The following PARP8 variants were observed in gnomAD, a reference collection of about 807,000 sequenced individuals.
The protein encoded by PARP8 is poly(ADP-ribose) polymerase family member 8.
PARP8 carries 51 observed loss-of-function variants against 124.1 expected under a neutral mutation model. The ratio of observed to expected loss-of-function variants is 0.41; its 90% CI spans 0.33 to 0.52. The LOEUF (loss-of-function observed/expected upper bound fraction) is 0.52. Ranked by LOEUF, PARP8 falls within the 20% of genes least tolerant of loss-of-function variation. The pLI, the probability that PARP8 is intolerant of heterozygous loss-of-function variation, is 0.21. For synonymous variants in PARP8, 391 were observed against 361.5 expected (o/e 1.08, Z -0.93); for missense variants, 860 against 1,018.9 (o/e 0.84, Z 2.12).
At chr5:50,700,077 T>C (rs1046200489) in intron 2 of PARP8, among the ~76,000 whole-genome samples, 1 of 152,158 alleles carries the variant, frequency 6.6e-6, no homozygotes, top group Non-Finnish European at 1.5e-5. Context: ...GTGAGAAACA[T>C]TAGTCTTTGA....
chr5:50,827,888 G>A (rs1253299467), intron 19 of PARP8, 56 bp from the exon 20 acceptor site: 29 of 1,281,796 alleles, frequency 2.3e-5, no homozygotes, highest in Non-Finnish European at 3.3e-5. Context: ...ATTGTCATCA[G>A]CCTGAATATA....
At chr5:50,788,376 A>T in intron 9 of PARP8, 147 bp from the exon 10 acceptor site, 1 of 571,830 alleles carries the variant, frequency 1.7e-6, no homozygotes, top group South Asian at 2.5e-5. Flanking sequence ...ATATAGCATA[A>T]ATAGCATTGT....
At chr5:50,757,357 G>A in intron 3 of PARP8, 1 of 314,936 alleles carries the variant, frequency 3.2e-6, no homozygotes, top group African/African-American at 2.2e-5. Context: ...AATTCAGAGT[G>A]AAGTGAATTC....
intron 12 of PARP8, 39 bp from the exon 13 acceptor site, chr5:50,796,943 T>A: frequency 6.5e-7 from 1 of 1,544,164 alleles, no homozygotes; most frequent in South Asian, 1.2e-5. Context: ...TTTTTACATT[T>A]AAAAAAATTA....
chr5:50,701,793 T>C (rs1753624752), intron 2 of PARP8, among the ~76,000 whole-genome samples: 1 of 152,142 alleles, frequency 6.6e-6, no homozygotes, highest in African/African-American at 2.4e-5. Context: ...CCTGCTGAGT[T>C]TTTTGTTGTT....
chr5:50,828,296 C>G lies in PARP8; in HGVS notation c.2091-16C>G, dbSNP rs1298314923. ...ATTTTCTGGTTTTGCTTTTTCCTTT[C>G]CGTCTGTTTTTTTAGTGGCTCACAC... On this transcript the variant is annotated splice_polypyrimidine_tract_variant and intron_variant, in intron 20 of 25. Coordinates refer to ENST00000281631, the MANE Select transcript of PARP8 (RefSeq NM_024615.4). 1 of 1,609,414 alleles carries G rather than the reference C, an allele frequency of 6.2e-7. No homozygotes were observed.
chr5:50,673,956 G>C (rs1276573385), intron 2 of PARP8, among the ~76,000 whole-genome samples: 1 of 152,164 alleles, frequency 6.6e-6, no homozygotes, highest in African/African-American at 2.4e-5. Context: ...GATATATCTT[G>C]CTTTAAGATA....
At chr5:50,685,468 A>G (rs1187917122) in intron 2 of PARP8, among the ~76,000 whole-genome samples, 1 of 152,222 alleles carries the variant, frequency 6.6e-6, no homozygotes, top group African/African-American at 2.4e-5. Flanking sequence ...GAGGGGGAAC[A>G]TCCTTTCAGA....
At chr5:50,757,812 T>G (rs1335895436) in intron 3 of PARP8, among the ~76,000 whole-genome samples, 1 of 152,188 alleles carries the variant, frequency 6.6e-6, no homozygotes, top group African/African-American at 2.4e-5. Flanking sequence ...CTCTTGGTGT[T>G]TTAGTAAAAT....
At chr5:50,763,012 T>C in intron 6 of PARP8, 136 bp from the exon 7 acceptor site, 1 of 582,484 alleles carries the variant, frequency 1.7e-6, no homozygotes, top group South Asian at 2.3e-5. Context: ...AACCTAAGGA[T>C]ATTAGTGAAT....
chr5:50,799,535 CTGTT>C lies in PARP8; in HGVS notation c.1575+2305_1575+2308del, dbSNP rs1458017708. Among the ~76,000 whole-genome samples the C allele has an allele frequency of 2.6e-5, 4 of 152,154 alleles. No individual in the cohort carries two copies. The East Asian group carries it at 7.7e-4, about 29-fold the overall frequency. ...TTTGTGTTTTATAAGATTGCATTGACTGTTTGGGGTCTCTTGCGTTTCTCTATCA... is the reference window on the plus strand; with the variant it reads ...TTTGTGTTTTATAAGATTGCATTGACTGGGGTCTCTTGCGTTTCTCTATCA... On this transcript the variant is annotated intron_variant, in intron 14 of 25. Transcript: ENST00000281631.
intron 3 of PARP8, among the ~76,000 whole-genome samples, chr5:50,753,413 A>G (rs1267896529): frequency 1.3e-5 from 2 of 152,080 alleles, no homozygotes; most frequent in African/African-American, 2.4e-5. Context: ...TTAGAATACT[A>G]TACAGTCTAT....
chr5:50,682,564 TA>T lies in PARP8; in HGVS notation c.146+14448del, dbSNP rs578021479. Among the ~76,000 whole-genome samples, 119 of 151,560 alleles carry T rather than the reference TA, an allele frequency of 7.9e-4. 1 individual carries two copies. The South Asian group carries it at 0.013, about 16-fold the overall frequency. On this transcript the variant is annotated intron_variant, in intron 2 of 25. Transcript: ENST00000281631. Reference sequence around the variant, plus strand: ...ATTTTAAGTATCAAATATTTTAAGTTAAAAAAAAATTACCAGTGTCCCACAG... The same window carrying T: ...ATTTTAAGTATCAAATATTTTAAGTTAAAAAAAATTACCAGTGTCCCACAG...
chr5:50,756,716 C>T (rs13155662), intron 3 of PARP8, among the ~76,000 whole-genome samples: 7,214 of 152,122 alleles, frequency 0.047, 244 homozygotes, highest in Middle Eastern at 0.099. Flanking sequence ...GTAATTACCA[C>T]GATCAAATTA....
chr5:50,680,654 C>T (rs1043746027), intron 2 of PARP8, among the ~76,000 whole-genome samples: 1 of 152,146 alleles, frequency 6.6e-6, no homozygotes, highest in Non-Finnish European at 1.5e-5. Context: ...AAAAACATTG[C>T]TGGCTTGTAA....
At position 50,719,812 on chromosome 5, in the gene PARP8, A is replaced by C. The variant is rs556861840; in HGVS notation, c.147-30339A>C. Among the ~76,000 whole-genome samples, 20 of 152,196 alleles carry C rather than the reference A, an allele frequency of 1.3e-4. 1 individual carries two copies. The South Asian group carries it at 4.1e-3, about 32-fold the overall frequency. ...AAGTTATAAAAAGAAATATTTTCACAGCTTCTCCAGAGAAAGAATACCCGT... is the reference window on the plus strand; with the variant it reads ...AAGTTATAAAAAGAAATATTTTCACCGCTTCTCCAGAGAAAGAATACCCGT... On this transcript the variant is annotated intron_variant, in intron 2 of 25. Transcript: ENST00000281631.
chr5:50,723,378 A>C (rs913068828), intron 2 of PARP8, among the ~76,000 whole-genome samples: 4 of 152,100 alleles, frequency 2.6e-5, no homozygotes, highest in Admixed American at 2.6e-4. Flanking sequence ...TAAATTAAAC[A>C]GTTGCCTTCT....
chr5:50,740,552 T>C (rs1757940412), intron 2 of PARP8, among the ~76,000 whole-genome samples: 1 of 152,086 alleles, frequency 6.6e-6, no homozygotes, highest in Non-Finnish European at 1.5e-5. Flanking sequence ...GAGCATGGCA[T>C]GGCGGCTCAT....
chr5:50,776,484 GCTTTGATGGTCTTTAAAAAGGAATAC>G (rs1180350604), intron 7 of PARP8, among the ~76,000 whole-genome samples: 1 of 152,092 alleles, frequency 6.6e-6, no homozygotes, highest in Non-Finnish European at 1.5e-5. Context: ...ATGTTATGAT[GCTTTGATGGTCTTTAAAAAGGAATAC>G]CTATGCAAAT....
Sources: allele counts gnomAD v4.1 joint callset (sites outside exome capture counted in the v4.1 genomes callset), GRCh38; gene constraint gnomAD v4.1.1; transcripts MANE v1.5; gene names NCBI Gene and HGNC (gene_info 2026-07-23, HGNC 2026-07-21).